Variants in CSMD1 observed in about 807,000 individuals in gnomAD.
The protein encoded by CSMD1 is CUB and sushi domain-containing protein 1.
CSMD1 carries 213 observed loss-of-function variants against 417.5 expected under a neutral mutation model. The ratio of observed to expected loss-of-function variants is 0.51; its 90% CI spans 0.46 to 0.57. The LOEUF (loss-of-function observed/expected upper bound fraction) is 0.57. Ranked by LOEUF, CSMD1 falls within the 20% of genes least tolerant of loss-of-function variation. CSMD1 has a pLI of 0.00. For synonymous variants in CSMD1, 2,862 were observed against 1,736.8 expected (o/e 1.65, Z -16.11); for missense variants, 6,923 against 4,529.7 (o/e 1.53, Z -15.17).
intron 3 of CSMD1, among the ~76,000 whole-genome samples, chr8:4,308,001 T>C (rs1798342846): frequency 6.6e-6 from 1 of 152,126 alleles, no homozygotes; most frequent in South Asian, 2.1e-4. Context: ...GGCTGGGATG[T>C]AAACAGTGAT....
chr8:4,726,200 A>C (rs1476723521), intron 1 of CSMD1, among the ~76,000 whole-genome samples: 1 of 152,078 alleles, frequency 6.6e-6, no homozygotes, highest in African/African-American at 2.4e-5. Context: ...GGAAGTTTTC[A>C]GCTGTGGCTT....
At chr8:4,262,411 G>A (rs1421195469) in intron 3 of CSMD1, among the ~76,000 whole-genome samples, 2 of 152,176 alleles carry the variant, frequency 1.3e-5, no homozygotes, top group Non-Finnish European at 2.9e-5. Context: ...GCAGGTTTGT[G>A]GTTAGAAATT....
intron 3 of CSMD1, among the ~76,000 whole-genome samples, chr8:4,158,350 G>A (rs190535736): frequency 6.6e-6 from 1 of 151,822 alleles, no homozygotes; most frequent in Admixed American, 6.6e-5. Context: ...ACATTGCAAA[G>A]AAAACCCGAA....
Position 3,575,021 on chromosome 8 carries a change from G to GGCC in CSMD1, c.1267_1268insGGC (p.Thr423delinsArgPro). The GGCC allele has an allele frequency of 6.2e-7, 1 of 1,613,336 alleles. No individual in the cohort carries two copies. The highest frequency in any genetic ancestry group is 8.5e-7 in the Non-Finnish European group (1 of 1,179,668). On this transcript the variant is annotated protein_altering_variant, in exon 10 of 70. Coordinates refer to ENST00000635120, the MANE Select transcript of CSMD1 (RefSeq NM_033225.6). ...ATACTGAACCGGATAATTAGGGGAG[G>GGCC]TAATGACGCCGCTGGGCCCACGCAG... is the stretch of plus-strand genomic sequence containing the variant.
rs759268228 is a variant in CSMD1, at chr8:4,530,314, C to CTTTTTT, written c.302+107022_302+107027dup. ...TTCACAGTTTATCGTACAGGTAGTGCTTTTTTTTTTTTTTTTTTTTTTTTT... is the reference window on the plus strand; with the variant it reads ...TTCACAGTTTATCGTACAGGTAGTGCTTTTTTTTTTTTTTTTTTTTTTTTTTTTTTT... On this transcript the variant is annotated intron_variant, in intron 2 of 69. Coordinates refer to ENST00000635120, the MANE Select transcript of CSMD1 (RefSeq NM_033225.6). 5.0e-3 allele frequency among the ~76,000 whole-genome samples: 235 copies of CTTTTTT among 46,676 alleles called. 26 individuals carry two copies. Among genetic ancestry groups the CTTTTTT allele is most frequent in the Non-Finnish European group, 7.1e-3 (192 of 27,180 alleles). The allele number at this position is 46,676 out of a possible 152,430, so 30.6% of individuals were successfully genotyped here.
chr8:3,926,256 C>T (rs944715610), intron 5 of CSMD1, among the ~76,000 whole-genome samples: 2 of 152,154 alleles, frequency 1.3e-5, no homozygotes, highest in East Asian at 1.9e-4. Flanking sequence ...GGTAAAATCA[C>T]AATCCATGTC....
At chr8:3,913,210 C>T (rs908968436) in intron 5 of CSMD1, among the ~76,000 whole-genome samples, 2 of 152,170 alleles carry the variant, frequency 1.3e-5, no homozygotes, top group South Asian at 4.1e-4. Context: ...GAGGTCAGAA[C>T]AGATATCAGG....
At chr8:3,293,778 C>T (rs890636759) in intron 25 of CSMD1, among the ~76,000 whole-genome samples, 3 of 152,150 alleles carry the variant, frequency 2.0e-5, no homozygotes, top group African/African-American at 4.8e-5. Context: ...TTCAAACTTC[C>T]TCCTGTAGCT....
intron 5 of CSMD1, among the ~76,000 whole-genome samples, chr8:3,938,737 T>A (rs980612587): frequency 1.3e-5 from 2 of 152,172 alleles, no homozygotes; most frequent in African/African-American, 4.8e-5. Context: ...GTTTTCCTCA[T>A]CTCAGCAATC....
rs369727382 is a variant in CSMD1 at position 4,420,017 on chromosome 8, G to A, written c.351C>T (p.Ile117=). The A allele has an allele frequency of 2.1e-4, 338 of 1,585,228 alleles. No homozygotes were observed. The highest frequency in any genetic ancestry group is 2.8e-4 in the Non-Finnish European group (327 of 1,164,648). Residue 117 remains isoleucine (I), a synonymous_variant, in exon 3 of 70, where the codon ATC becomes ATT. Transcript: ENST00000635120. ...AGTCTGTCGTGAACCACAGAGTGAGGATAGATCCTGTACTCACTATAGAGG... is the reference window on the plus strand; with the variant it reads ...AGTCTGTCGTGAACCACAGAGTGAGAATAGATCCTGTACTCACTATAGAGG... ...LPSSIVSTGS[I]LTLWFTTDFA...
intron 15 of CSMD1, among the ~76,000 whole-genome samples, chr8:3,405,135 T>C (rs1350700427): frequency 6.6e-6 from 1 of 152,206 alleles, no homozygotes; most frequent in Non-Finnish European, 1.5e-5. Context: ...ATACGTCTCA[T>C]TCACCTGTTT....
intron 36 of CSMD1, 30 bp downstream of exon 36, chr8:3,187,839 A>C (rs777815457): frequency 6.5e-7 from 1 of 1,547,862 alleles, no homozygotes; most frequent in Non-Finnish European, 8.9e-7. Flanking sequence ...ATTTTGAGTC[A>C]CACAGGTGAG....
At chr8:3,771,631 A>C (rs78113756) in intron 5 of CSMD1, among the ~76,000 whole-genome samples, 1,918 of 152,226 alleles carry the variant, frequency 0.013, 15 homozygotes, top group South Asian at 0.025. Context: ...AGGTGACAGA[A>C]GCCAGTGCTG....
At chr8:3,461,966 G>A (rs1246612147) in intron 12 of CSMD1, among the ~76,000 whole-genome samples, 1 of 152,186 alleles carries the variant, frequency 6.6e-6, no homozygotes, top group Non-Finnish European at 1.5e-5. Flanking sequence ...ACAGGAGGGT[G>A]GCGGTGAGGT....
intron 3 of CSMD1, among the ~76,000 whole-genome samples, chr8:4,206,368 C>G (rs79415712): frequency 5.9e-5 from 9 of 152,126 alleles, no homozygotes; most frequent in African/African-American, 2.2e-4. Context: ...CCACAGGCCC[C>G]GGTATGTCAT....
At chr8:3,806,195 G>A (rs558331295) in intron 5 of CSMD1, among the ~76,000 whole-genome samples, 1 of 152,198 alleles carries the variant, frequency 6.6e-6, no homozygotes, top group Non-Finnish European at 1.5e-5. Context: ...CCATTCAAAC[G>A]CAGAGTGCTT....
At chr8:4,325,678 C>T (rs1799519192) in intron 3 of CSMD1, among the ~76,000 whole-genome samples, 1 of 152,024 alleles carries the variant, frequency 6.6e-6, no homozygotes, top group South Asian at 2.1e-4. Flanking sequence ...ATCTCTAGGG[C>T]CAGAAAGCGA....
chr8:3,108,362 T>TA (rs1416121151), intron 44 of CSMD1, among the ~76,000 whole-genome samples: 2 of 152,220 alleles, frequency 1.3e-5, no homozygotes, highest in African/African-American at 2.4e-5. Flanking sequence ...GTCTTCATCT[T>TA]AGAGTTTCAC....
chr8:3,314,815 C>T (rs537438916), intron 23 of CSMD1, among the ~76,000 whole-genome samples: 2 of 152,260 alleles, frequency 1.3e-5, no homozygotes, highest in South Asian at 2.1e-4. Flanking sequence ...CGGATTAGTT[C>T]TTATCTTCCA....
Sources: allele counts gnomAD v4.1 joint callset (sites outside exome capture counted in the v4.1 genomes callset), GRCh38; gene constraint gnomAD v4.1.1; transcripts MANE v1.5; gene names NCBI Gene and HGNC (gene_info 2026-07-23, HGNC 2026-07-21).